The following MYLK variants were observed in gnomAD, a reference collection of about 807,000 sequenced individuals.
MYLK encodes myosin light chain kinase.
MYLK carries 106 observed loss-of-function variants against 203.4 expected under a neutral mutation model. The observed-to-expected ratio is 0.52, with a 90% CI of 0.45 to 0.61. The LOEUF is 0.61. Among genes scored for constraint, MYLK ranks in the 20% least tolerant of loss-of-function variants. The probability of loss-of-function intolerance (pLI) is 0.00; values close to 1 mark genes in which losing one functional copy is unlikely to be tolerated. For synonymous variants in MYLK, 867 were observed against 959.5 expected (o/e 0.90, Z 1.78); for missense variants, 2,072 against 2,442.3 (o/e 0.85, Z 3.20).
At chr3:123,681,348 G>C (rs2060258150) in intron 20 of MYLK, 1 of 152,206 alleles carries the variant, frequency 6.6e-6, no homozygotes, top group Non-Finnish European at 1.5e-5. Flanking sequence ...GACTCTAAGA[G>C]AAACTGGGAA....
At chr3:123,625,806 C>CA (rs11288924) in intron 31 of MYLK, among the ~76,000 whole-genome samples, 3,176 of 94,828 alleles carry the variant, frequency 0.033, 152 homozygotes, top group East Asian at 0.25. Context: ...GACTCCATCT[C>CA]AAAAAAAAAA....
intron 18 of MYLK, 87 bp from the exon 19 acceptor site, chr3:123,692,938 A>C (rs1199147938): frequency 6.0e-6 from 7 of 1,162,702 alleles, no homozygotes; most frequent in Non-Finnish European, 7.7e-6. Flanking sequence ...TGTTACTCGC[A>C]CGGGCAGCCT....
chr3:123,764,773 T>C (rs2063650352), intron 4 of MYLK, among the ~76,000 whole-genome samples: 1 of 152,180 alleles, frequency 6.6e-6, no homozygotes, highest in African/African-American at 2.4e-5. Context: ...CCTTATCAGA[T>C]CTTTCATCTT....
chr3:123,706,911 C>T (rs1220673053), intron 16 of MYLK, among the ~76,000 whole-genome samples: 1 of 152,192 alleles, frequency 6.6e-6, no homozygotes, highest in Admixed American at 6.5e-5. Context: ...TTTAAAATGT[C>T]TGCAAATTCT....
chr3:123,678,243 C>G (rs974957101), intron 20 of MYLK, among the ~76,000 whole-genome samples: 21 of 152,066 alleles, frequency 1.4e-4, no homozygotes, highest in Admixed American at 6.6e-4. Flanking sequence ...ACTCCAGCAT[C>G]TGTGTGGCTC....
At chr3:123,690,555 G>A (rs180957072) in intron 19 of MYLK, among the ~76,000 whole-genome samples, 34 of 152,292 alleles carry the variant, frequency 2.2e-4, no homozygotes, top group African/African-American at 7.7e-4. Context: ...ATAGAAAGGC[G>A]ACAGGGGAGC....
intron 20 of MYLK, among the ~76,000 whole-genome samples, chr3:123,672,675 A>G (rs2059953174): frequency 6.6e-6 from 1 of 152,216 alleles, no homozygotes; most frequent in African/African-American, 2.4e-5. Flanking sequence ...GTTAAATAGG[A>G]TTGAAGGTCA....
At chr3:123,654,472 A>G (rs566222035) in intron 24 of MYLK, among the ~76,000 whole-genome samples, 81 of 152,104 alleles carry the variant, frequency 5.3e-4, no homozygotes, top group Admixed American at 1.6e-3. Flanking sequence ...CAGGTTCACT[A>G]TTTGCCTCAC....
intron 4 of MYLK, among the ~76,000 whole-genome samples, chr3:123,783,862 G>T (rs891459196): frequency 2.0e-5 from 3 of 152,160 alleles, no homozygotes; most frequent in Non-Finnish European, 1.5e-5. Flanking sequence ...AGTCCCACAG[G>T]AGTGATGAGA....
intron 2 of MYLK, among the ~76,000 whole-genome samples, chr3:123,852,420 C>G (rs1213028203): frequency 1.3e-5 from 2 of 152,084 alleles, no homozygotes; most frequent in Non-Finnish European, 2.9e-5. Flanking sequence ...TGTTATTGGT[C>G]TATTCAGGGA....
intron 2 of MYLK, among the ~76,000 whole-genome samples, chr3:123,866,044 T>C (rs576420720): frequency 6.6e-6 from 1 of 152,266 alleles, no homozygotes; most frequent in South Asian, 2.1e-4. Flanking sequence ...AGCCAGGTGG[T>C]AAGTGAAGAA....
intron 2 of MYLK, among the ~76,000 whole-genome samples, chr3:123,852,062 T>G (rs183463848): frequency 3.9e-5 from 6 of 152,358 alleles, no homozygotes; most frequent in African/African-American, 1.4e-4. Flanking sequence ...GATTTGCGTA[T>G]GTTGAACCAG....
intron 29 of MYLK, among the ~76,000 whole-genome samples, chr3:123,632,323 T>G (rs976897573): frequency 6.6e-6 from 1 of 152,176 alleles, no homozygotes; most frequent in Non-Finnish European, 1.5e-5. Context: ...ACCTGCTGCT[T>G]CTTTACATTT....
intron 20 of MYLK, among the ~76,000 whole-genome samples, chr3:123,667,953 A>AT (rs1423662855): frequency 6.6e-6 from 1 of 152,128 alleles, no homozygotes. Context: ...GGTGGCTTTC[A>AT]TTTTTTTAAA....
At chr3:123,702,626 T>G (rs544235378) in intron 16 of MYLK, among the ~76,000 whole-genome samples, 1 of 152,342 alleles carries the variant, frequency 6.6e-6, no homozygotes, top group Admixed American at 6.5e-5. Flanking sequence ...CCATCTCATT[T>G]AATCTTAGAA....
intron 24 of MYLK, among the ~76,000 whole-genome samples, chr3:123,649,630 A>T (rs2059141495): frequency 6.6e-6 from 1 of 152,242 alleles, no homozygotes; most frequent in African/African-American, 2.4e-5. Context: ...ACGGCATCCC[A>T]GCACTGGACC....
At chr3:123,854,737 T>G (rs371361822) in intron 2 of MYLK, among the ~76,000 whole-genome samples, 3 of 152,204 alleles carry the variant, frequency 2.0e-5, no homozygotes, top group African/African-American at 7.2e-5. Context: ...GTGTACCCAC[T>G]GAATCTAAAA....
chr3:123,618,789 G>C lies in MYLK; in HGVS notation c.5369-19C>G. On this transcript the variant is annotated intron_variant, in intron 32 of 33. Transcript: ENST00000360304. ...ACATCTTCTAGAAGACAGAGAAGAA[G>C]ACCAGGTCATTTCTTCACTCGTTGT... is the stretch of plus-strand genomic sequence containing the variant. The C allele has an allele frequency of 6.2e-7, 1 of 1,613,800 alleles. No individual in the cohort carries two copies. Among genetic ancestry groups the C allele is most frequent in the Non-Finnish European group, 8.5e-7 (1 of 1,179,876 alleles).
chr3:123,813,277 A>G (rs537131865), intron 3 of MYLK, among the ~76,000 whole-genome samples: 194 of 152,304 alleles, frequency 1.3e-3, no homozygotes, highest in African/African-American at 4.5e-3. Context: ...TGAGATTTTA[A>G]TGGTCATGTA....
Sources: gnomAD v4.1 joint callset for allele counts (sites outside exome capture counted in the v4.1 genomes callset) on GRCh38, gnomAD v4.1.1 for gene constraint, MANE v1.5 for transcripts, NCBI Gene and HGNC (gene_info 2026-07-23, HGNC 2026-07-21) for gene names.